The following ABCA13 variants were observed in gnomAD, a reference collection of about 807,000 sequenced individuals.
ABCA13 encodes the protein ATP binding cassette subfamily A member 13, also known as ATP-binding cassette sub-family A member 13.
In ABCA13, 476 loss-of-function variants were observed where a neutral mutation model predicts 478.7. That is an observed-to-expected ratio of 0.99 (90% CI 0.92 to 1.07). The LOEUF is 1.07. Ranked by LOEUF, ABCA13 falls within the 50% of genes least tolerant of loss-of-function variation. ABCA13 has a pLI of 0.00. For missense variants in ABCA13, 6,060 were observed against 5,910.6 expected, an observed-to-expected ratio of 1.03 and a Z score of -0.83; for synonymous variants, 2,252 against 2,158.9, an observed-to-expected ratio of 1.04 and a Z score of -1.20.
At chr7:48,211,154 T>C (rs1388477648) in intron 3 of ABCA13, among the ~76,000 whole-genome samples, 1 of 152,232 alleles carries the variant, frequency 6.6e-6, no homozygotes, top group Non-Finnish European at 1.5e-5. Flanking sequence ...TTTCTGGATG[T>C]TCTTGATGCT....
intron 59 of ABCA13, among the ~76,000 whole-genome samples, chr7:48,638,866 G>A (rs1794894388): frequency 6.6e-6 from 1 of 152,166 alleles, no homozygotes; most frequent in South Asian, 2.1e-4. Flanking sequence ...TTAATATAAA[G>A]GATATAAGAG....
At chr7:48,216,306 C>G (rs113994428) in intron 3 of ABCA13, among the ~76,000 whole-genome samples, 1,712 of 152,164 alleles carry the variant, frequency 0.011, 31 homozygotes, top group African/African-American at 0.039. Context: ...AAGGAGTTAT[C>G]CCATTGTGAT....
chr7:48,483,731 A>G (rs1253863830), intron 47 of ABCA13, among the ~76,000 whole-genome samples: 1 of 152,258 alleles, frequency 6.6e-6, no homozygotes, highest in Non-Finnish European at 1.5e-5. Context: ...ATCCATCAGT[A>G]GGAATAGAGA....
At chr7:48,473,435 C>G (rs1002552089) in intron 45 of ABCA13, among the ~76,000 whole-genome samples, 1 of 152,162 alleles carries the variant, frequency 6.6e-6, no homozygotes, top group Non-Finnish European at 1.5e-5. Flanking sequence ...ATTCATCTCC[C>G]CATCTATGTT....
rs766890977 is a variant in ABCA13, at chr7:48,507,904, T to C, written c.13379T>C (p.Leu4460Pro). ...AGCATCCGTCAGTGTGGAGTGGCCCTCTGCATCGTGCTGGGATTCTCCATC... is the reference window on the plus strand; with the variant it reads ...AGCATCCGTCAGTGTGGAGTGGCCCCCTGCATCGTGCTGGGATTCTCCATC... ...LESIRQCGVA[L>P]CIVLGFSILS... The change falls in exon 50 of 62, where the codon CTC (leucine) becomes CCC (proline). Residue 4460 changes from leucine (L) to proline (P), a missense_variant. By Grantham distance (98) the Leu-to-Pro change is moderately conservative. Transcript: ENST00000435803. 8.1e-6 allele frequency: 13 copies of C among 1,612,262 alleles called. No homozygotes were observed. Among genetic ancestry groups the C allele is most frequent in the Non-Finnish European group, 1.1e-5 (13 of 1,179,314 alleles).
chr7:48,467,401 G>T (rs1468351779), intron 44 of ABCA13, among the ~76,000 whole-genome samples: 1 of 152,072 alleles, frequency 6.6e-6, no homozygotes, highest in Non-Finnish European at 1.5e-5. Flanking sequence ...TTTACTTTTA[G>T]AGAATCCTTG....
In ABCA13 at chr7:48,558,165, CCCTCCCTCCCTT is replaced by C. The variant is rs1446267216; in HGVS notation, c.14355-22051_14355-22040del. 1.1e-4 allele frequency among the ~76,000 whole-genome samples: 15 copies of C among 134,010 alleles called. No homozygotes were observed. In the East Asian group the frequency reaches 1.2e-3, roughly 10 times the overall value. 87.9% of individuals were successfully genotyped at this position (134,010 alleles called of 152,430 possible). On this transcript the variant is annotated intron_variant, in intron 55 of 61. Transcript: ENST00000435803. ...TTCCTTTCTCCATCCCTCCCTCCCTCCCTCCCTCCCTTCCTCCCTTCCTTCCTTCCTCTCTCT... is the reference window on the plus strand; with the variant it reads ...TTCCTTTCTCCATCCCTCCCTCCCTCCCTCCCTTCCTTCCTTCCTCTCTCT...
intron 27 of ABCA13, among the ~76,000 whole-genome samples, chr7:48,329,713 C>T (rs1349035103): frequency 4.6e-5 from 7 of 152,034 alleles, no homozygotes; most frequent in Admixed American, 3.9e-4. Context: ...GTCCATCCAA[C>T]CATCCATCCA....
chr7:48,640,583 C>A (rs953911794), intron 59 of ABCA13, among the ~76,000 whole-genome samples: 2 of 151,990 alleles, frequency 1.3e-5, no homozygotes, highest in African/African-American at 4.8e-5. Context: ...GTGGACATAA[C>A]GTATTATCTA....
At chr7:48,441,145 C>T (rs1428897194) in intron 42 of ABCA13, among the ~76,000 whole-genome samples, 1 of 152,166 alleles carries the variant, frequency 6.6e-6, no homozygotes, top group Non-Finnish European at 1.5e-5. Context: ...CCACATGAGG[C>T]CTCAACCTAA....
chr7:48,633,756 G>A (rs1324829254), intron 59 of ABCA13, among the ~76,000 whole-genome samples: 1 of 151,722 alleles, frequency 6.6e-6, no homozygotes, highest in African/African-American at 2.4e-5. Flanking sequence ...AGGTGTGGTG[G>A]CACGCACCTA....
intron 29 of ABCA13, among the ~76,000 whole-genome samples, chr7:48,344,694 A>G (rs1240229243): frequency 6.6e-6 from 1 of 152,124 alleles, no homozygotes; most frequent in Non-Finnish European, 1.5e-5. Flanking sequence ...AAGCAACCCA[A>G]TAAGAGCTGT....
At chr7:48,592,017 C>T (rs1585908448) in intron 57 of ABCA13, among the ~76,000 whole-genome samples, 1 of 151,770 alleles carries the variant, frequency 6.6e-6, no homozygotes, top group Non-Finnish European at 1.5e-5. Flanking sequence ...CTAGAGTGGG[C>T]ATCCTTGTCT....
At chr7:48,579,319 A>C (rs1206196936) in intron 55 of ABCA13, among the ~76,000 whole-genome samples, 1 of 152,262 alleles carries the variant, frequency 6.6e-6, no homozygotes, top group Non-Finnish European at 1.5e-5. Flanking sequence ...TGGGTGAAAG[A>C]TATGAACAGA....
At position 48,483,282 on chromosome 7, in the gene ABCA13, T is replaced by C. The variant is rs193250172; in HGVS notation, c.13182+119T>C. On this transcript the variant is annotated intron_variant, in intron 47 of 61. Coordinates refer to ENST00000435803, the MANE Select transcript of ABCA13 (RefSeq NM_152701.5). ...CAGATTAAATCCAATCATTTGTTAC[T>C]AAGCATCAAGGAAAATTATATGTAA... The C allele has an allele frequency of 1.4e-3, 1,163 of 834,516 alleles. 1 individual carries two copies. The highest frequency in any genetic ancestry group is 1.9e-3 in the Non-Finnish European group (1,066 of 553,666). The allele number at this position is 834,516 out of a possible 1,614,324, so 51.7% of individuals were successfully genotyped here.
At position 48,272,488 on chromosome 7, in the gene ABCA13, T is replaced by G. The variant is rs371532056; in HGVS notation, c.2822T>G (p.Val941Gly). ...SALSEPQKQE[V>G]DKILTHIHLN... The stretch of plus-strand genomic sequence containing the variant: ...CTTTCTGAACCACAAAAACAAGAAG[T>G]TGATAAAATTTTGACTCACATACAC... The change falls in exon 17 of 62, where the codon GTT becomes GGT. Residue 941 changes from valine to glycine, a missense_variant. Val to Gly is a moderately radical substitution (Grantham distance 109, BLOSUM62 -3). Around this residue, in one of 3 missense-constraint regions of ABCA13, gnomAD observed 4,423 missense variants for 4,309.1 expected, o/e 1.03. Transcript: ENST00000435803. 6.2e-7 allele frequency: 1 copy of G among 1,613,760 alleles called. No homozygotes were observed. The highest frequency in any genetic ancestry group is 8.5e-7 in the Non-Finnish European group (1 of 1,179,754).
chr7:48,425,669 C>T (rs893735997), intron 41 of ABCA13, among the ~76,000 whole-genome samples: 1 of 152,318 alleles, frequency 6.6e-6, no homozygotes, highest in Non-Finnish European at 1.5e-5. Context: ...ACATGCCAGG[C>T]ATCGTTTTTA....
intron 25 of ABCA13, among the ~76,000 whole-genome samples, chr7:48,313,890 A>G (rs1306309345): frequency 6.6e-6 from 1 of 152,234 alleles, no homozygotes; most frequent in African/African-American, 2.4e-5. Context: ...ATAGACATAC[A>G]TTAAGACTAG....
In ABCA13 at chr7:48,621,137, C is replaced by T. The variant is rs566598480; in HGVS notation, c.14837+5760C>T. 1.1e-4 allele frequency among the ~76,000 whole-genome samples: 16 copies of T among 152,274 alleles called. No individual in the cohort carries two copies. In the South Asian group the frequency reaches 3.3e-3, roughly 32 times the overall value. Reference sequence around the variant, plus strand: ...ATCACTGATTACACAATACTCCCACCCACAGACACCGAGGATGATTCTTCC... The same window carrying T: ...ATCACTGATTACACAATACTCCCACTCACAGACACCGAGGATGATTCTTCC... On this transcript the variant is annotated intron_variant, in intron 59 of 61. Transcript: ENST00000435803.
Sources: gnomAD v4.1 joint callset for allele counts (sites outside exome capture counted in the v4.1 genomes callset) on GRCh38, gnomAD v4.1.1 for gene constraint, gnomAD v4.1.1 regional missense constraint, MANE v1.5 for transcripts, NCBI Gene and HGNC (gene_info 2026-07-23, HGNC 2026-07-21) for gene names.